RGL1: variants seen among roughly 807,000 people sequenced by gnomAD.
RGL1 encodes ral guanine nucleotide dissociation stimulator like 1.
A neutral mutation model predicts 95.2 loss-of-function variants in RGL1; 24 were observed. That is an observed-to-expected ratio of 0.25 (90% CI 0.18 to 0.35). The LOEUF (loss-of-function observed/expected upper bound fraction) is 0.35. Ranked by LOEUF, RGL1 falls within the 10% of genes least tolerant of loss-of-function variation. The pLI is 1.00. For missense variants in RGL1, 715 were observed against 936.3 expected, an observed-to-expected ratio of 0.76 and a Z score of 3.08; for synonymous variants, 329 against 344.9, an observed-to-expected ratio of 0.95 and a Z score of 0.51.
At chr1:183,740,879 A>C (rs983115996) in intron 1 of RGL1, among the ~76,000 whole-genome samples, 1 of 152,222 alleles carries the variant, frequency 6.6e-6, no homozygotes, top group Admixed American at 6.5e-5. Flanking sequence ...GTGTGATACT[A>C]TCTCTAGTCT....
intron 2 of RGL1, among the ~76,000 whole-genome samples, chr1:183,750,823 C>T (rs908924884): frequency 6.6e-6 from 1 of 152,254 alleles, no homozygotes; most frequent in Non-Finnish European, 1.5e-5. Context: ...GGTCCCTCTT[C>T]TGCAGGTCTT....
At chr1:183,737,390 G>A (rs1657005575) in intron 1 of RGL1, among the ~76,000 whole-genome samples, 2 of 152,110 alleles carry the variant, frequency 1.3e-5, no homozygotes, top group Non-Finnish European at 2.9e-5. Context: ...GATTATTTTG[G>A]AAGGAATAGA....
chr1:183,926,822 C>T lies in RGL1; in HGVS notation c.*530C>T, dbSNP rs1402550794. 6.6e-6 allele frequency: 1 copy of T among 152,654 alleles called. No homozygotes were observed. The highest frequency in any genetic ancestry group is 2.1e-4 in the South Asian group (1 of 4,818). 9.5% of individuals were successfully genotyped at this position (152,654 alleles called of 1,614,324 possible). A position where few individuals can be genotyped will look rare whatever the true frequency, so the allele number is the denominator to read the frequency against. ...TTATAAAGGGAGAGGATGACTTTCT[C>T]AATCAAGTGCCACCAGATAAAAACA... On this transcript the variant is annotated 3_prime_UTR_variant, in exon 18 of 18. Transcript: ENST00000360851.
intron 2 of RGL1, among the ~76,000 whole-genome samples, chr1:183,785,473 C>T (rs985634920): frequency 2.0e-5 from 3 of 152,160 alleles, no homozygotes; most frequent in African/African-American, 4.8e-5. Flanking sequence ...CCTGTGCCTG[C>T]TCTACTATAG....
intron 2 of RGL1, among the ~76,000 whole-genome samples, chr1:183,757,087 A>G (rs944071110): frequency 1.4e-5 from 2 of 146,792 alleles, no homozygotes; most frequent in African/African-American, 2.5e-5. Flanking sequence ...GGACTTATCT[A>G]TGTTCAATGT....
At chr1:183,644,498 T>TCGCG (rs1650152555) in intron 1 of RGL1, among the ~76,000 whole-genome samples, 2 of 152,096 alleles carry the variant, frequency 1.3e-5, no homozygotes, top group South Asian at 4.1e-4. Context: ...TGATCATGGC[T>TCGCG]CGCTGCAGCC....
At position 183,684,453 on chromosome 1, in the gene RGL1, C is replaced by T. The variant is rs1264571774; in HGVS notation, c.-33+47952C>T. Among the ~76,000 whole-genome samples, 4 of 152,122 alleles carry T rather than the reference C, an allele frequency of 2.6e-5. No homozygotes were observed. The East Asian group carries it at 5.8e-4, about 22-fold the overall frequency. The stretch of plus-strand genomic sequence containing the variant: ...TGCCCCTCCTTCCACCAAGCTCGAG[C>T]GTCCCAGGTCGACTCCAGACTGCTG... On this transcript the variant is annotated intron_variant, in intron 1 of 18. Coordinates refer to the RGL1 transcript ENST00000304685.
At chr1:183,702,606 C>T (rs191218565) in intron 1 of RGL1, among the ~76,000 whole-genome samples, 36 of 152,208 alleles carry the variant, frequency 2.4e-4, no homozygotes, top group African/African-American at 6.3e-4. Context: ...GGCTGTCAGG[C>T]GTGTCTGTGT....
At chr1:183,812,407 G>C (rs910321060) in intron 2 of RGL1, among the ~76,000 whole-genome samples, 1 of 152,140 alleles carries the variant, frequency 6.6e-6, no homozygotes. Context: ...GAACTCCCTC[G>C]CTGCTGTTGC....
At chr1:183,795,417 A>G (rs1457476183) in intron 2 of RGL1, among the ~76,000 whole-genome samples, 2 of 152,242 alleles carry the variant, frequency 1.3e-5, no homozygotes, top group African/African-American at 4.8e-5. Context: ...TGGTACTATG[A>G]GAGCACATAA....
At chr1:183,785,135 A>G (rs1022746231) in intron 2 of RGL1, among the ~76,000 whole-genome samples, 1 of 152,152 alleles carries the variant, frequency 6.6e-6, no homozygotes, top group African/African-American at 2.4e-5. Context: ...ATGTAGCTCT[A>G]CTGCATGAAA....
intron 2 of RGL1, among the ~76,000 whole-genome samples, chr1:183,786,609 T>C (rs1660193248): frequency 6.6e-6 from 1 of 152,182 alleles, no homozygotes; most frequent in South Asian, 2.1e-4. Context: ...GGTGCCAGAA[T>C]AGGGATGCTC....
intron 2 of RGL1, among the ~76,000 whole-genome samples, chr1:183,809,588 A>G (rs917980694): frequency 3.3e-5 from 5 of 152,204 alleles, no homozygotes; most frequent in Admixed American, 2.0e-4. Flanking sequence ...ATAATTCTCG[A>G]AGAAAAATGA....
intron 2 of RGL1, among the ~76,000 whole-genome samples, chr1:183,831,350 G>A (rs1572472891): frequency 6.6e-6 from 1 of 152,200 alleles, no homozygotes; most frequent in South Asian, 2.1e-4. Context: ...GGCCAGTGTG[G>A]TTGGGGCCTA....
chr1:183,800,530 A>C (rs960572397), upstream of RGL1, among the ~76,000 whole-genome samples: 11 of 152,174 alleles, frequency 7.2e-5, no homozygotes, highest in African/African-American at 2.7e-4. Flanking sequence ...TTAAATATAG[A>C]TCTTCCCCTA....
At chr1:183,806,646 CTT>C (rs1661366292) in intron 2 of RGL1, among the ~76,000 whole-genome samples, 161 bp downstream of exon 2, 1 of 151,794 alleles carries the variant, frequency 6.6e-6, no homozygotes, top group Non-Finnish European at 1.5e-5. Context: ...GAACAGGTCT[CTT>C]TTTGTATTTA....
chr1:183,811,579 G>A (rs1410854649), intron 2 of RGL1, among the ~76,000 whole-genome samples: 4 of 152,166 alleles, frequency 2.6e-5, no homozygotes, highest in African/African-American at 7.2e-5. Context: ...TTAGAAACAC[G>A]TTTTTAAAAT....
chr1:183,889,761 GT>G lies in RGL1; in HGVS notation c.1055+1186del, dbSNP rs566147157. On this transcript the variant is annotated intron_variant, in intron 8 of 17. Transcript: ENST00000360851. The stretch of plus-strand genomic sequence containing the variant: ...AAAGTGGATGTTTATAATGCCTCAT[GT>G]TACAGAGCTGTAGAAGCCACAGCTA... 2.8e-3 allele frequency among the ~76,000 whole-genome samples: 428 copies of G among 152,268 alleles called. 1 individual carries two copies. Among genetic ancestry groups the G allele is most frequent in the Admixed American group, 4.4e-3 (68 of 15,294 alleles).
chr1:183,889,882 T>G (rs769029690), intron 8 of RGL1, among the ~76,000 whole-genome samples: 3 of 152,192 alleles, frequency 2.0e-5, no homozygotes, highest in Non-Finnish European at 4.4e-5. Flanking sequence ...TTTTCTTGAT[T>G]ATTATTCTTT....
Sources: allele counts gnomAD v4.1 joint callset (sites outside exome capture counted in the v4.1 genomes callset), GRCh38; gene constraint gnomAD v4.1.1; transcripts MANE v1.5; gene names NCBI Gene and HGNC (gene_info 2026-07-23, HGNC 2026-07-21).